MAU2: variants seen among roughly 807,000 people sequenced by gnomAD.
The protein encoded by MAU2 is MAU2 sister chromatid cohesion factor, also known as MAU2 chromatid cohesion factor homolog.
In MAU2, 9 loss-of-function variants were observed where a neutral mutation model predicts 89.1. The observed-to-expected ratio is 0.10, with a 90% confidence interval of 0.06 to 0.18. The LOEUF (loss-of-function observed/expected upper bound fraction) is 0.18. Among genes scored for constraint, MAU2 ranks in the 10% least tolerant of loss-of-function variants. The pLI is 1.00. For synonymous variants in MAU2, 357 were observed against 343.4 expected (o/e 1.04, Z -0.44); for missense variants, 425 against 803.5 (o/e 0.53, Z 5.69).
At chr19:19,337,367 C>A (rs754104414) in intron 4 of MAU2, 102 bp downstream of exon 4, 2 of 888,910 alleles carry the variant, frequency 2.2e-6, no homozygotes, top group Non-Finnish European at 3.6e-6. Flanking sequence ...GATGCGCAGA[C>A]CCCCTCGGGC....
intron 16 of MAU2, chr19:19,353,878 A>G: frequency 5.5e-6 from 1 of 180,526 alleles, no homozygotes; most frequent in Non-Finnish European, 1.2e-5. Context: ...TCCGGATTGG[A>G]GGATTCTTAC....
At chr19:19,340,094 C>T (rs553975008) in intron 5 of MAU2, among the ~76,000 whole-genome samples, 12 of 148,192 alleles carry the variant, frequency 8.1e-5, no homozygotes, top group African/African-American at 2.7e-4. Flanking sequence ...GAACCCAGGA[C>T]GCGGAGGTTG....
intron 1 of MAU2, chr19:19,334,692 G>T (rs148097288): frequency 4.0e-6 from 3 of 748,850 alleles, no homozygotes; most frequent in Admixed American, 6.3e-5. Context: ...CGCTGTTGCC[G>T]CATGAGTGGC....
chr19:19,335,147 C>T (rs913489762), intron 1 of MAU2, among the ~76,000 whole-genome samples: 3 of 152,180 alleles, frequency 2.0e-5, no homozygotes, highest in East Asian at 1.9e-4. Flanking sequence ...AGTGCCATCC[C>T]GCAGTTCTGC....
At chr19:19,336,768 C>T (rs1989868) in intron 3 of MAU2, among the ~76,000 whole-genome samples, 151,570 of 152,322 alleles carry the variant, frequency 1, 75,412 homozygotes, top group Middle Eastern at 1. Context: ...CAATTGTAGC[C>T]GAAATCTGCC....
intron 7 of MAU2, among the ~76,000 whole-genome samples, chr19:19,341,891 T>G (rs957563590): frequency 1.3e-5 from 2 of 152,148 alleles, no homozygotes; most frequent in African/African-American, 4.8e-5. Context: ...TCTGTGCTTG[T>G]GTGACAGTCT....
intron 1 of MAU2, chr19:19,334,728 C>G (rs1346536474): frequency 1.2e-5 from 5 of 413,284 alleles, no homozygotes; most frequent in Non-Finnish European, 1.6e-5. Context: ...TCAGCCTCAC[C>G]TCCCTGGCCC....
chr19:19,330,511 C>T (rs1480390683), intron 1 of MAU2, among the ~76,000 whole-genome samples: 4 of 152,006 alleles, frequency 2.6e-5, no homozygotes, highest in Admixed American at 6.5e-5. Flanking sequence ...GAGGCCAAGG[C>T]GGGTGCATCA....
At chr19:19,351,215 A>G (rs2061741227) in intron 16 of MAU2, among the ~76,000 whole-genome samples, 2 of 151,748 alleles carry the variant, frequency 1.3e-5, no homozygotes, top group Non-Finnish European at 2.9e-5. Flanking sequence ...ATGCTCAGCT[A>G]ATTTTTTTAT....
chr19:19,336,196 A>C lies in MAU2; in HGVS notation c.360+9A>C, dbSNP rs764542259. On this transcript the variant is annotated intron_variant, in intron 3 of 18. Coordinates refer to ENST00000262815, the MANE Select transcript of MAU2 (RefSeq NM_015329.4). Reference sequence around the variant, plus strand: ...AATTGTACTGTCAAGAGGTAAGAACATATTAAGGTTTCTGAAAGCAAAGTG... The same window carrying C: ...AATTGTACTGTCAAGAGGTAAGAACCTATTAAGGTTTCTGAAAGCAAAGTG... 1.2e-6 allele frequency: 2 copies of C among 1,604,682 alleles called. No homozygotes were observed. Among genetic ancestry groups the C allele is most frequent in the Admixed American group, 3.4e-5 (2 of 59,538 alleles).
chr19:19,322,927 G>A (rs1300349386), intron 1 of MAU2, among the ~76,000 whole-genome samples: 1 of 151,974 alleles, frequency 6.6e-6, no homozygotes, highest in Non-Finnish European at 1.5e-5. Flanking sequence ...TTTCGCTCTT[G>A]TTGCCGGGGC....
chr19:19,326,555 G>A (rs1359047521), intron 1 of MAU2, among the ~76,000 whole-genome samples: 3 of 150,994 alleles, frequency 2.0e-5, no homozygotes, highest in Non-Finnish European at 3.0e-5. Context: ...GCGTGGTGGC[G>A]GGCGCCTGTA....
At chr19:19,341,543 C>T in intron 7 of MAU2, 136 bp downstream of exon 7, 1 of 1,050,158 alleles carries the variant, frequency 9.5e-7, no homozygotes, top group Non-Finnish European at 1.4e-6. Context: ...TCATACCAGT[C>T]CCGGACACAC....
rs1327491907 is a variant in MAU2, at chr19:19,355,693, C to A, written c.1768-15C>A. On this transcript the variant is annotated splice_polypyrimidine_tract_variant and intron_variant, in intron 18 of 18. Transcript: ENST00000262815. ...GTCCACAGTGCCTCACTCGCATGTC[C>A]TCTCCTCCCCACAGTGGACAGACGG... 1.2e-6 allele frequency: 2 copies of A among 1,603,324 alleles called. No individual in the cohort carries two copies. The highest frequency in any genetic ancestry group is 1.1e-5 in the South Asian group (1 of 90,684).
At chr19:19,352,932 G>A in intron 16 of MAU2, 1 of 152,510 alleles carries the variant, frequency 6.6e-6, no homozygotes, top group Non-Finnish European at 1.5e-5. Flanking sequence ...GTCCTGTGAG[G>A]TCAGGCTGGG....
intron 16 of MAU2, among the ~76,000 whole-genome samples, chr19:19,350,140 A>G (rs1056826819): frequency 6.7e-6 from 1 of 149,964 alleles, no homozygotes; most frequent in Non-Finnish European, 1.5e-5. Context: ...TACTAAAAAT[A>G]CAAAAATTAG....
intron 1 of MAU2, among the ~76,000 whole-genome samples, chr19:19,333,712 G>A (rs74724666): frequency 4.5e-4 from 69 of 152,338 alleles, no homozygotes; most frequent in African/African-American, 1.2e-3. Flanking sequence ...AAGCTTCTCC[G>A]CCCAAAGGGA....
chr19:19,338,554 G>C (rs2061615146), intron 4 of MAU2, among the ~76,000 whole-genome samples: 3 of 152,244 alleles, frequency 2.0e-5, no homozygotes, highest in Non-Finnish European at 4.4e-5. Context: ...CACAGCCTTG[G>C]GGGTCTGTGC....
At chr19:19,321,239 G>A (rs1401084350) in intron 1 of MAU2, 104 bp downstream of exon 1, 1 of 1,315,362 alleles carries the variant, frequency 7.6e-7, no homozygotes, top group East Asian at 3.0e-5. Flanking sequence ...TCGGCGACCT[G>A]GGGGCGCGAC....
Sources: gnomAD v4.1 joint callset for allele counts (sites outside exome capture counted in the v4.1 genomes callset) on GRCh38, gnomAD v4.1.1 for gene constraint, MANE v1.5 for transcripts, NCBI Gene and HGNC (gene_info 2026-07-23, HGNC 2026-07-21) for gene names.